Variants in ST6GALNAC3 observed in about 807,000 individuals in gnomAD.
ST6GALNAC3 encodes the protein ST6 N-acetylgalactosaminide alpha-2,6-sialyltransferase 3.
Under a neutral mutation model 32.7 loss-of-function variants are expected in ST6GALNAC3, and 25 were observed. The observed-to-expected ratio is 0.76, with a 90% CI of 0.56 to 1.07. The LOEUF (loss-of-function observed/expected upper bound fraction) is 1.07, where lower values mean the gene tolerates loss of function less well. ST6GALNAC3 is among the 50% of genes least tolerant of loss of function. The pLI is 0.00. For missense variants in ST6GALNAC3, 355 were observed against 382.4 expected (o/e 0.93, Z 0.60); for synonymous variants, 129 against 133.1 (o/e 0.97, Z 0.21).
chr1:76,505,664 T>C (rs1253302601), intron 3 of ST6GALNAC3, among the ~76,000 whole-genome samples: 1 of 152,146 alleles, frequency 6.6e-6, no homozygotes, highest in African/African-American at 2.4e-5. Context: ...TCAACATCCC[T>C]GGAGAAGCAG....
At chr1:76,157,567 T>G (rs1052347346) in intron 1 of ST6GALNAC3, among the ~76,000 whole-genome samples, 3 of 152,228 alleles carry the variant, frequency 2.0e-5, no homozygotes, top group African/African-American at 7.2e-5. Context: ...CCATCCACTT[T>G]AGTGAGGGTT....
intron 3 of ST6GALNAC3, among the ~76,000 whole-genome samples, chr1:76,492,519 A>G (rs1332974755): frequency 6.6e-6 from 1 of 152,170 alleles, no homozygotes; most frequent in Non-Finnish European, 1.5e-5. Context: ...AAACTGATTG[A>G]CAGTCGCTTA....
At chr1:76,284,147 G>A (rs1186634687) in intron 1 of ST6GALNAC3, among the ~76,000 whole-genome samples, 1 of 151,984 alleles carries the variant, frequency 6.6e-6, no homozygotes. Flanking sequence ...TTTTTCCTCT[G>A]GTGTTAAATA....
At chr1:76,518,631 A>G (rs367864979) in intron 3 of ST6GALNAC3, among the ~76,000 whole-genome samples, 38 of 152,076 alleles carry the variant, frequency 2.5e-4, no homozygotes, top group African/African-American at 8.4e-4. Flanking sequence ...TCTGAATTAG[A>G]TTCTCAGTAA....
intron 1 of ST6GALNAC3, among the ~76,000 whole-genome samples, chr1:76,120,847 T>C (rs1186551680): frequency 6.6e-6 from 1 of 152,224 alleles, no homozygotes; most frequent in Non-Finnish European, 1.5e-5. Flanking sequence ...TACAAATTTA[T>C]GATTTCACAC....
At chr1:76,150,897 G>A (rs1650999464) in intron 1 of ST6GALNAC3, among the ~76,000 whole-genome samples, 1 of 152,162 alleles carries the variant, frequency 6.6e-6, no homozygotes, top group Admixed American at 6.5e-5. Flanking sequence ...GCTAGGGATT[G>A]TCCGGGTCTT....
intron 3 of ST6GALNAC3, among the ~76,000 whole-genome samples, chr1:76,494,187 A>G (rs896176317): frequency 6.6e-6 from 1 of 151,592 alleles, no homozygotes; most frequent in African/African-American, 2.4e-5. Context: ...TATCTCGACC[A>G]CATCCTGTTC....
intron 1 of ST6GALNAC3, among the ~76,000 whole-genome samples, chr1:76,215,225 A>G (rs1316545146): frequency 2.0e-5 from 3 of 152,214 alleles, no homozygotes; most frequent in Non-Finnish European, 4.4e-5. Flanking sequence ...AAAGTTTCAT[A>G]TGGGTAAATA....
intron 2 of ST6GALNAC3, among the ~76,000 whole-genome samples, chr1:76,349,762 C>T (rs1648820552): frequency 6.6e-6 from 1 of 152,142 alleles, no homozygotes; most frequent in Non-Finnish European, 1.5e-5. Flanking sequence ...TCCTCTCCTT[C>T]CCAAAGTTGG....
At chr1:76,622,152 G>A (rs1347656652) in intron 3 of ST6GALNAC3, among the ~76,000 whole-genome samples, 1 of 150,352 alleles carries the variant, frequency 6.7e-6, no homozygotes, top group Non-Finnish European at 1.5e-5. Flanking sequence ...AACTGAAGCT[G>A]CAAAGTTTGA....
intron 2 of ST6GALNAC3, among the ~76,000 whole-genome samples, chr1:76,337,372 A>C (rs1647583999): frequency 6.6e-6 from 1 of 152,178 alleles, no homozygotes; most frequent in Non-Finnish European, 1.5e-5. Flanking sequence ...GTAAGATTAG[A>C]GTGGCACAGA....
At chr1:76,621,631 C>G (rs1648658216) in intron 3 of ST6GALNAC3, among the ~76,000 whole-genome samples, 1 of 151,988 alleles carries the variant, frequency 6.6e-6, no homozygotes, top group African/African-American at 2.4e-5. Flanking sequence ...ACTTTGAGCT[C>G]TGCTTCCATT....
chr1:76,359,244 T>C (rs2101045873), intron 2 of ST6GALNAC3, among the ~76,000 whole-genome samples: 1 of 152,328 alleles, frequency 6.6e-6, no homozygotes, highest in Non-Finnish European at 1.5e-5. Context: ...ATTATGTCCC[T>C]CCATAATTTT....
intron 1 of ST6GALNAC3, among the ~76,000 whole-genome samples, chr1:76,171,621 C>T (rs1652505021): frequency 6.6e-6 from 1 of 151,672 alleles, no homozygotes; most frequent in African/African-American, 2.4e-5. Context: ...CCACTGACCC[C>T]ACAGAAATAC....
intron 3 of ST6GALNAC3, among the ~76,000 whole-genome samples, chr1:76,516,758 C>T (rs1001498611): frequency 1.3e-5 from 2 of 152,062 alleles, no homozygotes; most frequent in African/African-American, 2.4e-5. Context: ...TCTCTTAGTT[C>T]GTGTATATTT....
At chr1:76,113,800 G>A (rs1648261654) in intron 1 of ST6GALNAC3, among the ~76,000 whole-genome samples, 1 of 151,862 alleles carries the variant, frequency 6.6e-6, no homozygotes, top group Non-Finnish European at 1.5e-5. Context: ...TTTGTTTGTG[G>A]AAGTTAGTTT....
intron 1 of ST6GALNAC3, among the ~76,000 whole-genome samples, chr1:76,150,269 G>T (rs1650958557): frequency 6.6e-6 from 1 of 152,130 alleles, no homozygotes; most frequent in Non-Finnish European, 1.5e-5. Flanking sequence ...GTGCTTTGGT[G>T]TGAAAAGCAG....
chr1:76,545,938 C>T (rs1279921364), intron 3 of ST6GALNAC3, among the ~76,000 whole-genome samples: 3 of 152,124 alleles, frequency 2.0e-5, no homozygotes, highest in Non-Finnish European at 4.4e-5. Flanking sequence ...GGATCACTGG[C>T]GTGAGCCACC....
intron 1 of ST6GALNAC3, among the ~76,000 whole-genome samples, chr1:76,297,307 G>A (rs1300892716): frequency 1.3e-5 from 2 of 151,920 alleles, no homozygotes; most frequent in Non-Finnish European, 2.9e-5. Flanking sequence ...GAAAATTACA[G>A]GAGCAGATTA....
Sources: allele counts gnomAD v4.1 joint callset (sites outside exome capture counted in the v4.1 genomes callset), GRCh38; gene constraint gnomAD v4.1.1; transcripts MANE v1.5; gene names NCBI Gene and HGNC (gene_info 2026-07-23, HGNC 2026-07-21).